Variants in SMIM35 observed in about 807,000 individuals in gnomAD.
The protein encoded by SMIM35 is small integral membrane protein 35.
intron 1 of SMIM35, among the ~76,000 whole-genome samples, chr11:118,040,862 T>C (rs1943988462): frequency 6.6e-6 from 1 of 152,120 alleles, no homozygotes; most frequent in Non-Finnish European, 1.5e-5. Context: ...AGGACATGAC[T>C]GTAGTTGATA....
chr11:118,022,860 G>C (rs193119122), intron 1 of SMIM35, among the ~76,000 whole-genome samples: 5 of 151,998 alleles, frequency 3.3e-5, no homozygotes, highest in African/African-American at 1.2e-4. Flanking sequence ...ATTGGATAGG[G>C]AACTCAGGAA....
intron 1 of SMIM35, among the ~76,000 whole-genome samples, chr11:118,061,483 A>G (rs1015788706): frequency 7.2e-5 from 11 of 152,052 alleles, no homozygotes; most frequent in African/African-American, 2.4e-4. Flanking sequence ...CCCCAGCTGG[A>G]GCTACCTTCT....
chr11:118,073,123 A>G (rs777644721), intron 1 of SMIM35, among the ~76,000 whole-genome samples: 2 of 152,128 alleles, frequency 1.3e-5, no homozygotes, highest in Non-Finnish European at 2.9e-5. Context: ...TGGTATTTTT[A>G]ATAGAGGTTT....
In SMIM35 at chr11:118,028,517, A is replaced by T. The variant is rs1055111445; in HGVS notation, c.8-12708T>A. Among the ~76,000 whole-genome samples the T allele has an allele frequency of 4.6e-5, 7 of 152,362 alleles. No individual in the cohort carries two copies. In the East Asian group the frequency reaches 9.6e-4, roughly 21 times the overall value. On this transcript the variant is annotated intron_variant, in intron 1 of 4. Coordinates refer to ENST00000689828, the MANE Select transcript of SMIM35 (RefSeq NM_001394165.1). ...TAGTCCTGGGTCTGGCCAAAATACT[A>T]TCTTAATTCTATAAAAACCCCTTTT...
intron 1 of SMIM35, among the ~76,000 whole-genome samples, chr11:118,028,218 G>A (rs568123701): frequency 2.0e-5 from 3 of 152,178 alleles, no homozygotes; most frequent in Admixed American, 6.5e-5. Context: ...TCGTCTCCCC[G>A]CATTTACACA....
Position 118,013,732 on chromosome 11 carries a change from C to A in SMIM35, c.*33+16G>T. The A allele has an allele frequency of 2.5e-6, 1 of 399,064 alleles. No homozygotes were observed. The highest frequency in any genetic ancestry group is 1.3e-4 in the South Asian group (1 of 7,846). The allele number at this position is 399,064 out of a possible 1,614,324, so 24.7% of individuals were successfully genotyped here. On this transcript the variant is annotated intron_variant, in intron 4 of 4. Transcript: ENST00000689828. Reference sequence around the variant, plus strand: ...GACATCAGGCTCACTCGGCAGCTCTCCCAACTCCAACTCACCTCCCCAGGG... The same window carrying A: ...GACATCAGGCTCACTCGGCAGCTCTACCAACTCCAACTCACCTCCCCAGGG...
intron 1 of SMIM35, among the ~76,000 whole-genome samples, chr11:118,030,795 G>C (rs1246649594): frequency 2.6e-5 from 4 of 152,090 alleles, no homozygotes; most frequent in African/African-American, 7.2e-5. Flanking sequence ...AGGATAGCCT[G>C]GTATGTGGAG....
chr11:118,009,642 C>G (rs1389851246), intron 4 of SMIM35, among the ~76,000 whole-genome samples: 7 of 151,632 alleles, frequency 4.6e-5, no homozygotes, highest in Non-Finnish European at 1.0e-4. Flanking sequence ...TATATTGACA[C>G]TTTGTACTTG....
At chr11:118,077,148 G>T (rs940487099) in intron 1 of SMIM35, 10 of 798,046 alleles carry the variant, frequency 1.3e-5, no homozygotes, top group East Asian at 9.0e-5. Context: ...AGGGACCAAG[G>T]CCTGCCCTGC....
intron 4 of SMIM35, among the ~76,000 whole-genome samples, chr11:118,008,599 C>T (rs1480044581): frequency 2.6e-5 from 4 of 152,232 alleles, no homozygotes; most frequent in Non-Finnish European, 4.4e-5. Flanking sequence ...TGTGCTCTCT[C>T]TCAGAAATGT....
intron 1 of SMIM35, among the ~76,000 whole-genome samples, chr11:118,081,110 T>C (rs1009324600): frequency 6.6e-6 from 1 of 152,218 alleles, no homozygotes; most frequent in African/African-American, 2.4e-5. Flanking sequence ...TGTGAATGAA[T>C]GAATGAGTGG....
chr11:118,012,393 A>G (rs2058155106), intron 4 of SMIM35, among the ~76,000 whole-genome samples: 3 of 152,178 alleles, frequency 2.0e-5, no homozygotes, highest in African/African-American at 7.2e-5. Flanking sequence ...CTACCAAACT[A>G]CAGTGGATTC....
intron 2 of SMIM35, 143 bp from the exon 3 acceptor site, chr11:118,014,884 C>G (rs2058171135): frequency 2.5e-6 from 1 of 396,676 alleles, no homozygotes; most frequent in Middle Eastern, 6.3e-4. Flanking sequence ...TGGGAGCATT[C>G]CAGCCTCCTT....
At chr11:118,075,376 C>T (rs1315516250) in intron 1 of SMIM35, among the ~76,000 whole-genome samples, 1 of 152,244 alleles carries the variant, frequency 6.6e-6, no homozygotes, top group Non-Finnish European at 1.5e-5. Context: ...CATTCATCAG[C>T]TGAGATTTGG....
intron 4 of SMIM35, 39 bp downstream of exon 4, chr11:118,013,709 C>T (rs951771794): frequency 2.5e-6 from 1 of 398,388 alleles, no homozygotes. Context: ...CTTACTTGGA[C>T]ATCAGGCTCA....
intron 1 of SMIM35, among the ~76,000 whole-genome samples, chr11:118,026,754 G>A (rs1013861417): frequency 1.3e-5 from 2 of 152,024 alleles, no homozygotes; most frequent in Non-Finnish European, 2.9e-5. Context: ...AATTGCTTGA[G>A]CCCAGGAATT....
chr11:118,084,930 A>AC (rs1309192401), intron 1 of SMIM35, among the ~76,000 whole-genome samples: 1 of 152,092 alleles, frequency 6.6e-6, no homozygotes, highest in Non-Finnish European at 1.5e-5. Context: ...TCAAGGGACA[A>AC]CCCCCTTCTG....
intron 4 of SMIM35, among the ~76,000 whole-genome samples, chr11:118,011,194 C>T (rs987395764): frequency 5.3e-5 from 8 of 152,188 alleles, no homozygotes; most frequent in Admixed American, 1.3e-4. Flanking sequence ...AAATACCCTC[C>T]GTGCTCCCAG....
At chr11:118,029,758 C>G (rs779864825) in intron 1 of SMIM35, 3 of 457,284 alleles carry the variant, frequency 6.6e-6, no homozygotes, top group Non-Finnish European at 8.8e-6. Context: ...CTGCCAAAGC[C>G]CCCTTTCCCA....
Sources: gnomAD v4.1 joint callset for allele counts (sites outside exome capture counted in the v4.1 genomes callset) on GRCh38, gnomAD v4.1.1 for gene constraint, MANE v1.5 for transcripts, NCBI Gene and HGNC (gene_info 2026-07-23, HGNC 2026-07-21) for gene names.